Variants in INVS observed in about 807,000 individuals in gnomAD.
INVS encodes inversion of embryo turning homolog.
In INVS, 86 loss-of-function variants were observed where a neutral mutation model predicts 108.8. The ratio of observed to expected loss-of-function variants is 0.79; its 90% CI spans 0.66 to 0.95. The LOEUF (loss-of-function observed/expected upper bound fraction) is 0.95, where lower values mean the gene tolerates loss of function less well. INVS is among the 40% of genes least tolerant of loss of function. The pLI, the probability that INVS is intolerant of heterozygous loss-of-function variation, is 0.00. For missense variants in INVS, 1,169 were observed against 1,297.4 expected (o/e 0.90, Z 1.52); for synonymous variants, 455 against 473.5 (o/e 0.96, Z 0.51).
At chr9:100,227,246 T>C (rs1041730696) in intron 4 of INVS, among the ~76,000 whole-genome samples, 2 of 152,202 alleles carry the variant, frequency 1.3e-5, no homozygotes, top group African/African-American at 4.8e-5. Context: ...AATCTGCAGT[T>C]GTTAGTAAGC....
chr9:100,228,063 T>C (rs1395123844), intron 4 of INVS, among the ~76,000 whole-genome samples: 1 of 148,970 alleles, frequency 6.7e-6, no homozygotes, highest in Non-Finnish European at 1.5e-5. Context: ...TGATCTTGGC[T>C]CACTGAAACC....
chr9:100,225,237 A>T (rs1160839531), intron 3 of INVS, among the ~76,000 whole-genome samples: 2 of 150,062 alleles, frequency 1.3e-5, no homozygotes, highest in Non-Finnish European at 3.0e-5. Flanking sequence ...TTTCGTAGAG[A>T]TGGGGTTTCA....
Position 100,284,564 on chromosome 9 carries a change from T to G in INVS, c.2029T>G (p.Ser677Ala), listed in dbSNP as rs758878275. 10 of 1,613,728 alleles carry G rather than the reference T, an allele frequency of 6.2e-6. No homozygotes were observed. The highest frequency in any genetic ancestry group is 7.6e-6 in the Non-Finnish European group (9 of 1,179,816). Reference protein sequence around the residue: ...GGALQKEQHVSSDLQGTNSRR... With the variant: ...GGALQKEQHVASDLQGTNSRR... ...AGCCCTCCAGAAGGAGCAGCATGTT[T>G]CCTCAGATTTGCAGGGAACAAACTC... The change falls in exon 13 of 17, where the codon TCC becomes GCC. Residue 677 changes from serine to alanine, a missense_variant. Transcript: ENST00000262457.
Position 100,281,989 on chromosome 9 carries a change from AC to A in INVS, c.1785-2329del, listed in dbSNP as rs1833294125. Among the ~76,000 whole-genome samples the A allele has an allele frequency of 2.0e-5, 3 of 152,194 alleles. No individual in the cohort carries two copies. The South Asian group carries it at 6.2e-4, about 32-fold the overall frequency. ...CTCAAATAACAAAGTCTAATTTATC[AC>A]CTCAGAGTCCCCCTTAATGGCAGTG... is the stretch of plus-strand genomic sequence containing the variant. On this transcript the variant is annotated intron_variant, in intron 12 of 16. Transcript: ENST00000262457.
At chr9:100,190,779 T>G (rs965067180) in intron 3 of INVS, among the ~76,000 whole-genome samples, 2 of 152,156 alleles carry the variant, frequency 1.3e-5, no homozygotes, top group South Asian at 4.1e-4. Flanking sequence ...GATGCTTTTG[T>G]CTTACTGCTC....
chr9:100,168,416 CTTG>C (rs1349872037), intron 3 of INVS, among the ~76,000 whole-genome samples: 2 of 152,286 alleles, frequency 1.3e-5, no homozygotes, highest in East Asian at 1.9e-4. Flanking sequence ...TTAGCCTTTA[CTTG>C]TTGTGCCATT....
chr9:100,247,025 A>G (rs1257830008), intron 8 of INVS, among the ~76,000 whole-genome samples: 4 of 152,120 alleles, frequency 2.6e-5, no homozygotes, highest in Non-Finnish European at 5.9e-5. Flanking sequence ...ATTTGGTTTA[A>G]AACCCTGGTT....
At chr9:100,192,669 C>A (rs1186064541) in intron 3 of INVS, among the ~76,000 whole-genome samples, 1 of 152,202 alleles carries the variant, frequency 6.6e-6, no homozygotes, top group Non-Finnish European at 1.5e-5. Context: ...TACACTCTGA[C>A]CAACAACACA....
At chr9:100,298,720 TG>T (rs1007735217) in intron 16 of INVS, among the ~76,000 whole-genome samples, 3 of 151,334 alleles carry the variant, frequency 2.0e-5, no homozygotes, top group Admixed American at 6.6e-5. Flanking sequence ...AGTTTTTTGA[TG>T]GGGGGCAAAA....
chr9:100,155,218 A>C (rs1588045248), intron 3 of INVS, among the ~76,000 whole-genome samples: 1 of 152,226 alleles, frequency 6.6e-6, no homozygotes, highest in East Asian at 1.9e-4. Context: ...CTCAAAAAAA[A>C]AAAAAAGAAA....
intron 4 of INVS, among the ~76,000 whole-genome samples, chr9:100,227,187 T>A (rs1001305305): frequency 1.3e-5 from 2 of 152,242 alleles, no homozygotes; most frequent in African/African-American, 4.8e-5. Context: ...TTATTGAAGA[T>A]GTGGTTATAG....
At chr9:100,279,937 C>T (rs1459035283) in intron 12 of INVS, among the ~76,000 whole-genome samples, 1 of 152,204 alleles carries the variant, frequency 6.6e-6, no homozygotes, top group African/African-American at 2.4e-5. Flanking sequence ...ATAACTCCAA[C>T]TGTGCAGGGC....
intron 3 of INVS, among the ~76,000 whole-genome samples, chr9:100,208,440 A>C (rs558315299): frequency 6.6e-6 from 1 of 152,154 alleles, no homozygotes; most frequent in Admixed American, 6.6e-5. Context: ...ATTTGTCTGT[A>C]TATTTGTCTT....
rs371839458 is a variant in INVS at position 100,300,679 on chromosome 9, C to T, written c.*5C>T. On this transcript the variant is annotated 3_prime_UTR_variant, in exon 17 of 17. Coordinates refer to ENST00000262457, the MANE Select transcript of INVS (RefSeq NM_014425.5). ...AAAAACAAAACAAAACCTTGACTGC[C>T]TATGGAGGAAGACTGTGTTCGGGGG... is the stretch of plus-strand genomic sequence containing the variant. The T allele has an allele frequency of 2.5e-4, 398 of 1,596,122 alleles. 1 individual carries two copies. The highest frequency in any genetic ancestry group is 3.3e-4 in the Non-Finnish European group (388 of 1,164,434).
At chr9:100,205,672 CAAT>C (rs1017079504) in intron 3 of INVS, among the ~76,000 whole-genome samples, 11 of 151,716 alleles carry the variant, frequency 7.3e-5, no homozygotes, top group Admixed American at 2.0e-4. Context: ...TCCAAATCAT[CAAT>C]AATAATTATA....
intron 3 of INVS, among the ~76,000 whole-genome samples, chr9:100,196,408 T>C (rs1830376631): frequency 6.6e-6 from 1 of 152,148 alleles, no homozygotes; most frequent in Non-Finnish European, 1.5e-5. Flanking sequence ...TGTTATCTTT[T>C]AGTTTCCATG....
At position 100,153,610 on chromosome 9, in the gene INVS, G is replaced by A. The variant is rs371887565; in HGVS notation, c.273+27061G>A. On this transcript the variant is annotated intron_variant, in intron 3 of 16. Transcript: ENST00000262457. The stretch of plus-strand genomic sequence containing the variant: ...GAAGGAAATGGAAATGGTTTCCTTA[G>A]CCTGTTTTGTGTTGCAATAACAGAA... Among the ~76,000 whole-genome samples the A allele has an allele frequency of 4.5e-4, 69 of 152,280 alleles. No homozygotes were observed. The South Asian group carries it at 0.014, about 31-fold the overall frequency.
At chr9:100,143,733 A>C (rs905760567) in intron 3 of INVS, among the ~76,000 whole-genome samples, 1 of 152,024 alleles carries the variant, frequency 6.6e-6, no homozygotes, top group Admixed American at 6.5e-5. Context: ...CTAAGTTGGC[A>C]CCAGAGTTGG....
chr9:100,178,193 A>G (rs190312504), intron 3 of INVS, among the ~76,000 whole-genome samples: 17 of 152,368 alleles, frequency 1.1e-4, no homozygotes, highest in Admixed American at 9.8e-4. Flanking sequence ...AAAAAGCCTG[A>G]AAATTCCAAA....
Sources: allele counts gnomAD v4.1 joint callset (sites outside exome capture counted in the v4.1 genomes callset), GRCh38; gene constraint gnomAD v4.1.1; transcripts MANE v1.5; gene names NCBI Gene and HGNC (gene_info 2026-07-23, HGNC 2026-07-21).